The following QTMAN variants were observed in gnomAD, a reference collection of about 807,000 sequenced individuals.
The protein encoded by QTMAN is queuosine-tRNA mannosyltransferase.
chr2:144,179,763 C>T, the QTMAN span, among the ~76,000 whole-genome samples: 1 of 152,140 alleles, frequency 6.6e-6, no homozygotes, highest in Admixed American at 6.6e-5. Context: ...ATTGAAAGGG[C>T]TAAATTTTAA....
the QTMAN span, among the ~76,000 whole-genome samples, chr2:144,225,855 GTA>G: frequency 6.6e-6 from 1 of 152,268 alleles, no homozygotes; most frequent in African/African-American, 2.4e-5. Flanking sequence ...TAGTTATACA[GTA>G]TATGTGTGTG....
the QTMAN span, among the ~76,000 whole-genome samples, chr2:144,107,430 C>T: frequency 3.3e-5 from 5 of 152,124 alleles, no homozygotes; most frequent in African/African-American, 1.2e-4. Flanking sequence ...GATATCACCA[C>T]CGATCCCACA....
chr2:144,044,759 C>T, the QTMAN span, among the ~76,000 whole-genome samples: 2 of 151,922 alleles, frequency 1.3e-5, no homozygotes, highest in Non-Finnish European at 1.5e-5. Context: ...TCAGAATGAA[C>T]AAAGGCAAAA....
the QTMAN span, among the ~76,000 whole-genome samples, chr2:144,020,904 TAA>T: frequency 2.0e-4 from 29 of 144,088 alleles, no homozygotes; most frequent in South Asian, 5.7e-3. Flanking sequence ...AAAATATAAC[TAA>T]AAAAAAAATA....
chr2:143,995,448 A>G, the QTMAN span, among the ~76,000 whole-genome samples: 1 of 152,212 alleles, frequency 6.6e-6, no homozygotes, highest in Non-Finnish European at 1.5e-5. Context: ...AATGTTTAGT[A>G]AGTGCTTACT....
the QTMAN span, among the ~76,000 whole-genome samples, chr2:144,266,176 A>C: frequency 6.6e-6 from 1 of 152,186 alleles, no homozygotes; most frequent in Non-Finnish European, 1.5e-5. Context: ...GGGTTACTGG[A>C]GAAAATGATG....
the QTMAN span, among the ~76,000 whole-genome samples, chr2:144,018,373 T>C: frequency 6.6e-6 from 1 of 152,190 alleles, no homozygotes; most frequent in African/African-American, 2.4e-5. Context: ...CAGTAAGTAT[T>C]GATTCAATTC....
the QTMAN span, among the ~76,000 whole-genome samples, chr2:144,147,263 TAAA>T: frequency 6.9e-6 from 1 of 145,478 alleles, no homozygotes; most frequent in South Asian, 2.2e-4. Flanking sequence ...TCTTTAAGGT[TAAA>T]AAAAAAAAAT....
At chr2:144,122,111 T>C in the QTMAN span, among the ~76,000 whole-genome samples, 1 of 152,148 alleles carries the variant, frequency 6.6e-6, no homozygotes. Context: ...TTAAAATTAA[T>C]GGCACTATTG....
chr2:143,938,241 T>G, the QTMAN span: 1 of 152,196 alleles, frequency 6.6e-6, no homozygotes, highest in African/African-American at 2.4e-5. Context: ...GATGTCTGCT[T>G]TGATTTCTTT....
At chr2:144,296,367 T>C in the QTMAN span, among the ~76,000 whole-genome samples, 1 of 152,304 alleles carries the variant, frequency 6.6e-6, no homozygotes, top group East Asian at 1.9e-4. Flanking sequence ...GGCAAAAATT[T>C]TAACACTCAG....
At chr2:144,102,121 C>G in the QTMAN span, among the ~76,000 whole-genome samples, 2 of 152,176 alleles carry the variant, frequency 1.3e-5, no homozygotes, top group African/African-American at 4.8e-5. Flanking sequence ...TGGTAAATGA[C>G]AGAGCTTGGT....
At chr2:144,027,518 G>T in the QTMAN span, among the ~76,000 whole-genome samples, 1 of 152,216 alleles carries the variant, frequency 6.6e-6, no homozygotes, top group Non-Finnish European at 1.5e-5. Flanking sequence ...TTAGGTTGAA[G>T]TAAGAGGGAA....
the QTMAN span, among the ~76,000 whole-genome samples, chr2:144,185,480 C>G: frequency 6.6e-6 from 1 of 152,170 alleles, no homozygotes; most frequent in Non-Finnish European, 1.5e-5. Flanking sequence ...AGCTGGAAAG[C>G]TGATGCACTT....
the QTMAN span, among the ~76,000 whole-genome samples, chr2:144,209,825 T>C: frequency 6.6e-6 from 1 of 152,172 alleles, no homozygotes; most frequent in Non-Finnish European, 1.5e-5. Context: ...TTTTCCTTTA[T>C]GACTTAAGTA....
the QTMAN span, among the ~76,000 whole-genome samples, chr2:144,204,109 C>A: frequency 6.6e-6 from 1 of 152,118 alleles, no homozygotes; most frequent in African/African-American, 2.4e-5. Flanking sequence ...GTCTAAAACA[C>A]CAAAAGCAAT....
At chr2:143,957,316 C>G in the QTMAN span, 23 of 1,590,238 alleles carry the variant, frequency 1.4e-5, no homozygotes, top group Non-Finnish European at 2.0e-5. Flanking sequence ...GATCCCAATG[C>G]CTTTTTGGCC....
chr2:144,065,076 G>A, the QTMAN span, among the ~76,000 whole-genome samples: 2 of 152,192 alleles, frequency 1.3e-5, no homozygotes, highest in African/African-American at 4.8e-5. Context: ...AAAGCTGGGA[G>A]CTTATGTCCC....
the QTMAN span, among the ~76,000 whole-genome samples, chr2:144,292,260 C>T: frequency 7.9e-5 from 12 of 152,192 alleles, no homozygotes; most frequent in Non-Finnish European, 1.6e-4. Flanking sequence ...TCCCCCTCTG[C>T]TCCTATGTGA....
Sources: allele counts gnomAD v4.1 joint callset (sites outside exome capture counted in the v4.1 genomes callset), GRCh38; gene constraint gnomAD v4.1.1; transcripts MANE v1.5; gene names NCBI Gene and HGNC (gene_info 2026-07-23, HGNC 2026-07-21).